The following TSHZ2 variants were observed in gnomAD, a reference collection of about 807,000 sequenced individuals.
TSHZ2 encodes teashirt homolog 2.
A neutral mutation model predicts 74.4 loss-of-function variants in TSHZ2; 21 were observed. The ratio of observed to expected loss-of-function variants is 0.28; its 90% CI spans 0.20 to 0.41. The LOEUF (loss-of-function observed/expected upper bound fraction) is 0.41. Among genes scored for constraint, TSHZ2 ranks in the 10% least tolerant of loss-of-function variants. TSHZ2 has a pLI of 1.00. For synonymous variants in TSHZ2, 540 were observed against 515.3 expected (o/e 1.05, Z -0.65); for missense variants, 1,244 against 1,293.5 (o/e 0.96, Z 0.59).
chr20:53,066,470 C>T (rs1032531536), intron 1 of TSHZ2, among the ~76,000 whole-genome samples: 2 of 151,932 alleles, frequency 1.3e-5, no homozygotes, highest in African/African-American at 4.8e-5. Flanking sequence ...CTCCGGCTAT[C>T]GCGTTTTGCT....
At position 53,273,003 on chromosome 20, in the gene TSHZ2, G is replaced by A. The variant is rs999591028; in HGVS notation, c.*8+16432G>A. 3.3e-5 allele frequency among the ~76,000 whole-genome samples: 5 copies of A among 152,344 alleles called. No homozygotes were observed. The East Asian group carries it at 9.6e-4, about 29-fold the overall frequency. On this transcript the variant is annotated intron_variant, in intron 2 of 2. Coordinates refer to ENST00000371497, the MANE Select transcript of TSHZ2 (RefSeq NM_173485.6). ...TAAATAGAGGAGATTGAAAAGACAGGAGTCAGGTGGCAACTTGGAAGCAGA... is the reference window on the plus strand; with the variant it reads ...TAAATAGAGGAGATTGAAAAGACAGAAGTCAGGTGGCAACTTGGAAGCAGA...
At chr20:53,291,146 G>T (rs1055645457) in intron 2 of TSHZ2, among the ~76,000 whole-genome samples, 11 of 152,236 alleles carry the variant, frequency 7.2e-5, no homozygotes, top group Admixed American at 2.0e-4. Context: ...ACGGTGAGGG[G>T]TGCTAGTCAG....
intron 1 of TSHZ2, chr20:53,185,394 G>T (rs1397517997): frequency 8.1e-7 from 1 of 1,241,160 alleles, no homozygotes; most frequent in Non-Finnish European, 1.0e-6. Context: ...GATGATGGTG[G>T]CCAGGCGAGG....
Position 53,255,808 on chromosome 20 carries a change from A to G in TSHZ2, c.2350A>G (p.Met784Val). The G allele has an allele frequency of 2.5e-6, 4 of 1,613,780 alleles. No individual in the cohort carries two copies. Among genetic ancestry groups the G allele is most frequent in the South Asian group, 2.2e-5 (2 of 90,998 alleles). ...KAESSQAQSC[M>V]SPPQKHALSD... ...CGAGTCCTCGCAAGCACAATCTTGT[A>G]TGTCCCCACCTCAGAAGCACGCTCT... is the stretch of plus-strand genomic sequence containing the variant. Residue 784 changes from methionine to valine, a missense_variant, in exon 2 of 3, where the codon ATG (methionine) becomes GTG (valine). This residue lies in a region of TSHZ2 where 562 missense variants were observed against 544.0 expected (regional missense o/e 1.03). Transcript: ENST00000371497. The surrounding 1 kb of genome is among the most constrained non-coding windows in gnomAD (Gnocchi z 4.1).
chr20:53,295,665 G>A (rs1353573776), intron 2 of TSHZ2, among the ~76,000 whole-genome samples: 1 of 152,100 alleles, frequency 6.6e-6, no homozygotes, highest in Non-Finnish European at 1.5e-5. Flanking sequence ...AGGAGCAAAT[G>A]ACAAAAGATA....
At chr20:52,980,290 A>AT (rs912236909) in intron 1 of TSHZ2, among the ~76,000 whole-genome samples, 1 of 152,150 alleles carries the variant, frequency 6.6e-6, no homozygotes, top group Non-Finnish European at 1.5e-5. Flanking sequence ...AGCAGGGAAG[A>AT]TTTTTTTAAG....
chr20:53,420,125 G>GA (rs1468221157), intron 2 of TSHZ2, among the ~76,000 whole-genome samples: 1 of 152,246 alleles, frequency 6.6e-6, no homozygotes, highest in African/African-American at 2.4e-5. Context: ...ACACTGGAAG[G>GA]AAAGAGTCCA....
chr20:53,125,385 TAAAGAATAGTA>T (rs1415036747), intron 1 of TSHZ2, among the ~76,000 whole-genome samples: 35 of 152,210 alleles, frequency 2.3e-4, no homozygotes, highest in Non-Finnish European at 1.6e-4. Flanking sequence ...CCTTTTCTTG[TAAAGAATAGTA>T]AAAGGATGAG....
At chr20:53,214,033 C>T (rs991382968) in intron 1 of TSHZ2, among the ~76,000 whole-genome samples, 5 of 152,256 alleles carry the variant, frequency 3.3e-5, no homozygotes, top group African/African-American at 9.6e-5. Flanking sequence ...GTCGGCCTTA[C>T]ATTGCTTCAA....
intron 1 of TSHZ2, among the ~76,000 whole-genome samples, chr20:53,088,339 T>A (rs1324153522): frequency 6.6e-6 from 1 of 152,210 alleles, no homozygotes; most frequent in Non-Finnish European, 1.5e-5. Flanking sequence ...ACAGACATTT[T>A]AAAAAATTAT....
chr20:53,283,324 T>C (rs1346439695), intron 2 of TSHZ2, among the ~76,000 whole-genome samples: 1 of 152,222 alleles, frequency 6.6e-6, no homozygotes, highest in Non-Finnish European at 1.5e-5. Flanking sequence ...CTAATAGTTA[T>C]TGAATGCTTA....
chr20:53,173,702 T>C (rs572491437), intron 1 of TSHZ2, among the ~76,000 whole-genome samples: 31 of 152,076 alleles, frequency 2.0e-4, no homozygotes, highest in Non-Finnish European at 3.7e-4. Flanking sequence ...TCTGAACAGT[T>C]GTGTAACTGA....
intron 1 of TSHZ2, among the ~76,000 whole-genome samples, chr20:53,057,392 C>T (rs1307427372): frequency 6.6e-6 from 1 of 151,492 alleles, no homozygotes; most frequent in East Asian, 2.0e-4. Context: ...CAGGCACTAA[C>T]AAGACCACTG....
chr20:53,318,232 T>C (rs1427798071), intron 2 of TSHZ2, among the ~76,000 whole-genome samples: 1 of 152,160 alleles, frequency 6.6e-6, no homozygotes, highest in Non-Finnish European at 1.5e-5. Context: ...GAAAAGGGCA[T>C]CTTAGAAAGA....
chr20:53,147,961 G>A (rs552060112), intron 1 of TSHZ2, among the ~76,000 whole-genome samples: 2 of 152,252 alleles, frequency 1.3e-5, no homozygotes, highest in Admixed American at 6.5e-5. Context: ...CGATCTGCCC[G>A]CCTCAGCCAC....
intron 2 of TSHZ2, among the ~76,000 whole-genome samples, chr20:53,323,629 G>A (rs922042922): frequency 7.9e-6 from 1 of 126,270 alleles, no homozygotes; most frequent in African/African-American, 3.1e-5. Flanking sequence ...AGGCTGGAGT[G>A]CTGTGGTGCA....
chr20:53,380,421 A>C (rs1156397167), intron 2 of TSHZ2, among the ~76,000 whole-genome samples: 1 of 152,190 alleles, frequency 6.6e-6, no homozygotes, highest in Non-Finnish European at 1.5e-5. Flanking sequence ...AATTTCTCTA[A>C]AAAGAATATT....
chr20:53,235,359 G>A (rs970401260), intron 1 of TSHZ2, among the ~76,000 whole-genome samples: 7 of 151,918 alleles, frequency 4.6e-5, no homozygotes, highest in South Asian at 2.1e-4. Flanking sequence ...TAGTAGAGAC[G>A]GGGTTTCACC....
chr20:53,051,753 C>T (rs1984476222), intron 1 of TSHZ2, among the ~76,000 whole-genome samples: 1 of 152,090 alleles, frequency 6.6e-6, no homozygotes, highest in Admixed American at 6.5e-5. Flanking sequence ...ACACACAAGC[C>T]CTGCCAAGTT....
Sources: gnomAD v4.1 joint callset for allele counts (sites outside exome capture counted in the v4.1 genomes callset) on GRCh38, gnomAD v4.1.1 for gene constraint, gnomAD v4.1.1 regional missense constraint, Gnocchi (gnomAD v3.1) non-coding constraint, MANE v1.5 for transcripts, NCBI Gene and HGNC (gene_info 2026-07-23, HGNC 2026-07-21) for gene names.